The following C8orf34 variants were observed in gnomAD, a reference collection of about 807,000 sequenced individuals.
C8orf34 encodes the protein chromosome 8 open reading frame 34.
In C8orf34, 65 loss-of-function variants were observed where a neutral mutation model predicts 68.3. That is an observed-to-expected ratio of 0.95 (90% CI 0.78 to 1.17). C8orf34 has a LOEUF of 1.17. Among genes scored for constraint, C8orf34 ranks in the 50% most tolerant of loss-of-function variants. The pLI is 0.00. For synonymous variants in C8orf34, 244 were observed against 241.2 expected (o/e 1.01, Z -0.11); for missense variants, 664 against 655.4 (o/e 1.01, Z -0.14).
chr8:68,446,414 C>A lies in C8orf34; in HGVS notation c.561C>A (p.Asp187Glu). Residue 187 changes from aspartate (D) to glutamate (E), a missense_variant, in exon 3 of 14, where the codon GAC becomes GAA. Asp to Glu is a conservative substitution (Grantham distance 45). Coordinates refer to ENST00000518698, the MANE Select transcript of C8orf34 (RefSeq NM_052958.4). ...NAKKPKKSKS[D>E]LAVSNISPPS... ...AGAAGCCTAAAAAATCAAAAAGTGA[C>A]CTTGCTGTGTCTAATATTTCTCCAC... The A allele has an allele frequency of 1.9e-6, 3 of 1,612,902 alleles. No homozygotes were observed. The South Asian group carries it at 3.3e-5, about 18-fold the overall frequency.
intron 1 of C8orf34, among the ~76,000 whole-genome samples, chr8:68,413,312 A>G (rs1345124801): frequency 6.6e-6 from 1 of 152,234 alleles, no homozygotes; most frequent in Non-Finnish European, 1.5e-5. Flanking sequence ...GGAAATCTGC[A>G]GACAAACACT....
intron 1 of C8orf34, among the ~76,000 whole-genome samples, chr8:68,405,304 C>T (rs1809146009): frequency 6.6e-6 from 1 of 152,088 alleles, no homozygotes; most frequent in Admixed American, 6.6e-5. Flanking sequence ...ATATTAGAAG[C>T]CACCTCAAAT....
intron 8 of C8orf34, among the ~76,000 whole-genome samples, chr8:68,675,620 C>A (rs1820163207): frequency 6.8e-6 from 1 of 147,256 alleles, no homozygotes; most frequent in Admixed American, 6.7e-5. Context: ...AACATACCAC[C>A]AGAGAAAATC....
intron 3 of C8orf34, among the ~76,000 whole-genome samples, chr8:68,461,284 G>A (rs1811810648): frequency 6.6e-6 from 1 of 152,170 alleles, no homozygotes; most frequent in Non-Finnish European, 1.5e-5. Context: ...GGAAATATGG[G>A]ACTATGTGAA....
intron 8 of C8orf34, among the ~76,000 whole-genome samples, chr8:68,696,757 T>C (rs1244471713): frequency 6.6e-6 from 1 of 152,134 alleles, no homozygotes; most frequent in African/African-American, 2.4e-5. Context: ...TAGCTGTAAT[T>C]GCTTTGCTTC....
intron 1 of C8orf34, among the ~76,000 whole-genome samples, chr8:68,374,628 T>A (rs1046402281): frequency 6.6e-6 from 1 of 152,198 alleles, no homozygotes; most frequent in Non-Finnish European, 1.5e-5. Flanking sequence ...TTTCTCCCAG[T>A]GCTACAGAGT....
At chr8:68,807,792 G>A (rs1824529894) in intron 12 of C8orf34, among the ~76,000 whole-genome samples, 2 of 152,234 alleles carry the variant, frequency 1.3e-5, no homozygotes, top group Middle Eastern at 6.8e-3. Flanking sequence ...GAGGTGCAGG[G>A]AAACTAACAA....
chr8:68,520,833 G>A (rs1264603454), intron 5 of C8orf34, among the ~76,000 whole-genome samples: 1 of 152,040 alleles, frequency 6.6e-6, no homozygotes, highest in Non-Finnish European at 1.5e-5. Flanking sequence ...ACATATTTAA[G>A]CAAGGCTTAT....
In C8orf34 at chr8:68,416,766, C is replaced by T. The variant is rs183900768; in HGVS notation, c.328-22733C>T. ...GGCTTGTCTCAAACTCCTGACTTCA[C>T]GTGACCCGCCCATCTCAGCCTCCCA... On this transcript the variant is annotated intron_variant, in intron 1 of 13. Coordinates refer to ENST00000518698, the MANE Select transcript of C8orf34 (RefSeq NM_052958.4). Among the ~76,000 whole-genome samples the T allele has an allele frequency of 3.1e-3, 470 of 152,022 alleles. 2 individuals carry two copies. The highest frequency in any genetic ancestry group is 4.8e-3 in the Non-Finnish European group (326 of 67,966).
chr8:68,793,016 T>G (rs994305779), intron 12 of C8orf34, among the ~76,000 whole-genome samples: 5 of 152,068 alleles, frequency 3.3e-5, no homozygotes, highest in Admixed American at 6.6e-5. Context: ...AAGCTGCATA[T>G]AGTACAATCT....
intron 7 of C8orf34, among the ~76,000 whole-genome samples, chr8:68,602,235 C>T (rs1586433773): frequency 6.6e-6 from 1 of 151,904 alleles, no homozygotes; most frequent in Admixed American, 6.6e-5. Context: ...TCATTGATAT[C>T]GATGGGGGTG....
chr8:68,812,823 T>A lies in C8orf34; in HGVS notation c.1550-3063T>A, dbSNP rs184506280. On this transcript the variant is annotated intron_variant, in intron 12 of 13. Transcript: ENST00000518698. ...AGGGGCCACACCTCAGTCTCTATCT[T>A]TATCTTCTGTTTATTCAGGGAGGTC... Among the ~76,000 whole-genome samples, 32 of 152,294 alleles carry A rather than the reference T, an allele frequency of 2.1e-4. No homozygotes were observed. The East Asian group carries it at 6.2e-3, about 29-fold the overall frequency.
intron 8 of C8orf34, among the ~76,000 whole-genome samples, chr8:68,699,185 G>A (rs989142831): frequency 3.3e-5 from 5 of 151,888 alleles, no homozygotes; most frequent in Non-Finnish European, 7.4e-5. Flanking sequence ...GAGAACCACC[G>A]AGAGTCCACG....
chr8:68,518,919 A>G (rs1356005798), intron 5 of C8orf34, among the ~76,000 whole-genome samples: 2 of 151,830 alleles, frequency 1.3e-5, no homozygotes, highest in African/African-American at 2.4e-5. Flanking sequence ...GTATGCAAAA[A>G]AAAGTGGTAG....
intron 1 of C8orf34, among the ~76,000 whole-genome samples, chr8:68,360,748 C>CT (rs1806949436): frequency 6.8e-6 from 1 of 147,138 alleles, no homozygotes; most frequent in Admixed American, 6.8e-5. Context: ...TTTTCCTTTT[C>CT]TTCCTTTCTT....
At chr8:68,498,411 C>T (rs1813623915) in intron 5 of C8orf34, among the ~76,000 whole-genome samples, 2 of 152,136 alleles carry the variant, frequency 1.3e-5, no homozygotes, top group Admixed American at 1.3e-4. Flanking sequence ...CAAGTGAGCA[C>T]AACTGCATTT....
At chr8:68,508,717 C>A (rs966556477) in intron 5 of C8orf34, among the ~76,000 whole-genome samples, 1 of 152,034 alleles carries the variant, frequency 6.6e-6, no homozygotes, top group Non-Finnish European at 1.5e-5. Context: ...TTGAGACTGG[C>A]GGACAAGCAT....
At chr8:68,567,885 C>A (rs1816643871) in intron 7 of C8orf34, among the ~76,000 whole-genome samples, 1 of 150,692 alleles carries the variant, frequency 6.6e-6, no homozygotes, top group Admixed American at 6.6e-5. Context: ...TTTCTACATG[C>A]CTTCCTCACT....
intron 7 of C8orf34, among the ~76,000 whole-genome samples, chr8:68,612,205 A>G (rs1207610838): frequency 2.0e-5 from 3 of 152,068 alleles, no homozygotes; most frequent in Non-Finnish European, 2.9e-5. Flanking sequence ...ACTAACATTT[A>G]TGGGCTGCTA....
Sources: allele counts gnomAD v4.1 joint callset (sites outside exome capture counted in the v4.1 genomes callset), GRCh38; gene constraint gnomAD v4.1.1; transcripts MANE v1.5; gene names NCBI Gene and HGNC (gene_info 2026-07-23, HGNC 2026-07-21).